Variants in NRG1 observed in about 807,000 individuals in gnomAD.
NRG1 encodes neuregulin 1.
In NRG1, 18 loss-of-function variants were observed where a neutral mutation model predicts 63.8. That is an observed-to-expected ratio of 0.28 (90% CI 0.19 to 0.42). NRG1 has a LOEUF of 0.42. Among genes scored for constraint, NRG1 ranks in the 10% least tolerant of loss-of-function variants. The pLI is 1.00. For synonymous variants in NRG1, 302 were observed against 301.3 expected (o/e 1.00, Z -0.02); for missense variants, 762 against 814.7 (o/e 0.94, Z 0.79).
At chr8:32,083,384 A>G (rs1827771118) in intron 1 of NRG1, among the ~76,000 whole-genome samples, 1 of 152,200 alleles carries the variant, frequency 6.6e-6, no homozygotes, top group African/African-American at 2.4e-5. Flanking sequence ...AAGGCCAAAG[A>G]GTTAGAGATT....
chr8:31,886,751 A>G (rs770244878), intron 1 of NRG1, among the ~76,000 whole-genome samples: 11 of 152,212 alleles, frequency 7.2e-5, no homozygotes, highest in Non-Finnish European at 1.6e-4. Flanking sequence ...AATGATTCGA[A>G]TGCATGCTCT....
chr8:31,740,639 T>C (rs1563347351), intron 1 of NRG1, among the ~76,000 whole-genome samples: 1 of 151,632 alleles, frequency 6.6e-6, no homozygotes, highest in Non-Finnish European at 1.5e-5. Context: ...TAACTTGGAA[T>C]TCGATGTGTG....
At chr8:32,154,439 C>T (rs1422758874) in intron 1 of NRG1, among the ~76,000 whole-genome samples, 1 of 151,962 alleles carries the variant, frequency 6.6e-6, no homozygotes, top group Non-Finnish European at 1.5e-5. Flanking sequence ...CACTTCCTCT[C>T]TTCCTTCCTG....
intron 1 of NRG1, among the ~76,000 whole-genome samples, chr8:32,265,796 T>C (rs899313195): frequency 6.6e-5 from 10 of 152,074 alleles, no homozygotes; most frequent in African/African-American, 2.4e-4. Context: ...TGAGCCATGA[T>C]TGCACCGCTG....
intron 1 of NRG1, among the ~76,000 whole-genome samples, chr8:31,733,293 T>A (rs1279392571): frequency 6.6e-6 from 1 of 152,150 alleles, no homozygotes; most frequent in East Asian, 1.9e-4. Flanking sequence ...GGTGCAGGTA[T>A]CTTTTTGATA....
chr8:32,764,116 G>A (rs141355195), exon 12 of NRG1: 62 of 1,614,018 alleles, frequency 3.8e-5, no homozygotes, highest in South Asian at 3.2e-4. Context: ...AATAGCCGGC[G>A]GGCCAAAAGA....
At chr8:32,374,681 T>C (rs1809390862) in intron 1 of NRG1, among the ~76,000 whole-genome samples, 1 of 152,208 alleles carries the variant, frequency 6.6e-6, no homozygotes. Flanking sequence ...GATTTCATTG[T>C]CCCAATGAGA....
intron 1 of NRG1, among the ~76,000 whole-genome samples, chr8:31,747,657 C>G (rs1048617673): frequency 6.6e-6 from 1 of 151,918 alleles, no homozygotes; most frequent in African/African-American, 2.4e-5. Context: ...CCTGCCTCCA[C>G]TTTGTTTTGG....
chr8:32,500,030 T>C (rs1057436111), intron 1 of NRG1, among the ~76,000 whole-genome samples: 2 of 152,212 alleles, frequency 1.3e-5, no homozygotes, highest in Non-Finnish European at 2.9e-5. Flanking sequence ...TAGTTTTCCA[T>C]TAAAACATAA....
At position 31,766,294 on chromosome 8, in the gene NRG1, T is replaced by C. The variant is rs140058512; in HGVS notation, c.37+126863T>C. ...ACGTTAAAAAAGATCCCCTGAGTTG[T>C]ATCCTGAGCTGTCGTAGATAAGTGT... On this transcript the variant is annotated intron_variant, in intron 1 of 10. Transcript: ENST00000519301. 3.8e-3 allele frequency among the ~76,000 whole-genome samples: 584 copies of C among 152,332 alleles called. 1 individual carries two copies. Among genetic ancestry groups the C allele is most frequent in the Middle Eastern group, 0.02 (6 of 294 alleles).
chr8:31,780,810 G>T (rs753554882), intron 1 of NRG1, among the ~76,000 whole-genome samples: 6 of 152,106 alleles, frequency 3.9e-5, no homozygotes, highest in Non-Finnish European at 8.8e-5. Context: ...GAGGAACCTT[G>T]GTTCTAGTGT....
chr8:31,843,597 G>C (rs899757682), intron 1 of NRG1, among the ~76,000 whole-genome samples: 1 of 152,100 alleles, frequency 6.6e-6, no homozygotes, highest in South Asian at 2.1e-4. Flanking sequence ...TAGAGTTTGG[G>C]GGAGGGCTGA....
chr8:32,398,688 T>A (rs1034293162), intron 1 of NRG1, among the ~76,000 whole-genome samples: 5 of 152,236 alleles, frequency 3.3e-5, no homozygotes, highest in Admixed American at 3.3e-4. Context: ...TGGGATTAAT[T>A]ACAGGTGTGA....
At chr8:32,739,292 T>A (rs1825813436) in intron 6 of NRG1, among the ~76,000 whole-genome samples, 2 of 152,112 alleles carry the variant, frequency 1.3e-5, no homozygotes, top group Non-Finnish European at 2.9e-5. Flanking sequence ...ATTCCATAGT[T>A]CTCGGCTGTG....
intron 1 of NRG1, among the ~76,000 whole-genome samples, chr8:31,984,341 T>G (rs327369): frequency 6.6e-6 from 1 of 152,084 alleles, no homozygotes; most frequent in Non-Finnish European, 1.5e-5. Flanking sequence ...ATCTCATATT[T>G]TGCCCACTTC....
chr8:32,613,360 A>G (rs576744312), intron 3 of NRG1, among the ~76,000 whole-genome samples: 3 of 152,002 alleles, frequency 2.0e-5, no homozygotes, highest in Middle Eastern at 3.2e-3. Flanking sequence ...TTCCCTTTCA[A>G]TTCCACAAAA....
At chr8:31,811,337 T>C (rs2131783788) in intron 1 of NRG1, among the ~76,000 whole-genome samples, 1 of 152,336 alleles carries the variant, frequency 6.6e-6, no homozygotes, top group East Asian at 1.9e-4. Flanking sequence ...TGATTTCCTC[T>C]ACTTCTATTT....
chr8:32,707,800 G>A (rs548368811), intron 5 of NRG1, among the ~76,000 whole-genome samples: 1 of 151,762 alleles, frequency 6.6e-6, no homozygotes. Flanking sequence ...TTGGGCTTTT[G>A]TATTAAATAA....
chr8:31,738,372 C>G (rs1383548176), intron 1 of NRG1, among the ~76,000 whole-genome samples: 1 of 152,078 alleles, frequency 6.6e-6, no homozygotes. Flanking sequence ...GAGTGTCTAT[C>G]ACTACTTAAT....
Sources: gnomAD v4.1 joint callset for allele counts (sites outside exome capture counted in the v4.1 genomes callset) on GRCh38, gnomAD v4.1.1 for gene constraint, MANE v1.5 for transcripts, NCBI Gene and HGNC (gene_info 2026-07-23, HGNC 2026-07-21) for gene names.